ZNF846: variants seen among roughly 807,000 people sequenced by gnomAD.
ZNF846 encodes the protein zinc finger protein 846.
In ZNF846, 15 loss-of-function variants were observed where a neutral mutation model predicts 16.0. The ratio of observed to expected loss-of-function variants is 0.94; its 90% CI spans 0.63 to 1.45. ZNF846 has a LOEUF of 1.45. Among genes scored for constraint, ZNF846 ranks in the 40% most tolerant of loss-of-function variants. The pLI, the probability that ZNF846 is intolerant of heterozygous loss-of-function variation, is 0.00. For synonymous variants in ZNF846, 229 were observed against 212.0 expected, an observed-to-expected ratio of 1.08 and a Z score of -0.70; for missense variants, 714 against 622.3, an observed-to-expected ratio of 1.15 and a Z score of -1.57.
rs2045177501 is a variant in ZNF846 at position 9,758,834 on chromosome 19, A to G, written c.313-70T>C. 1.4e-5 allele frequency: 17 copies of G among 1,173,870 alleles called. No homozygotes were observed. In the South Asian group the frequency reaches 2.6e-4, roughly 18 times the overall value. 72.7% of individuals were successfully genotyped at this position (1,173,870 alleles called of 1,614,324 possible). ...ATGGTAACAGAATTTCTCCCCAATC[A>G]CAACATATATGCATTGGAAATATAT... On this transcript the variant is annotated intron_variant, in intron 5 of 5. Coordinates refer to ENST00000397902, the Ensembl canonical transcript of ZNF846.
chr19:9,772,932 C>T (rs1227604539), upstream of ZNF846, among the ~76,000 whole-genome samples: 2 of 151,924 alleles, frequency 1.3e-5, no homozygotes, highest in African/African-American at 2.4e-5. Context: ...AAAAATTAGT[C>T]GTGTGTGATC....
At chr19:9,766,411 A>G (rs1298546478) in intron 1 of ZNF846, among the ~76,000 whole-genome samples, 1 of 123,024 alleles carries the variant, frequency 8.1e-6, no homozygotes, top group African/African-American at 4.0e-5. Context: ...AGACTCTGTC[A>G]CAAAAAAAAA....
chr19:9,784,105 G>A (rs1057287616), intron 1 of ZNF846, among the ~76,000 whole-genome samples: 1 of 151,804 alleles, frequency 6.6e-6, no homozygotes, highest in African/African-American at 2.4e-5. Flanking sequence ...GGTATTTCTC[G>A]CAAGGTGGAG....
At chr19:9,754,935 G>C (rs1021839258), downstream of ZNF846, among the ~76,000 whole-genome samples, 3 of 150,684 alleles carry the variant, frequency 2.0e-5, no homozygotes, top group African/African-American at 4.9e-5. Context: ...GTGCGATTTC[G>C]AGTCACTGCA....
chr19:9,758,053 C>A lies in ZNF846; in HGVS notation c.1024G>T (p.Glu342Ter). The A allele has an allele frequency of 3.7e-6, 6 of 1,613,538 alleles. No individual in the cohort carries two copies. Among genetic ancestry groups the A allele is most frequent in the East Asian group, 2.2e-5 (1 of 44,866 alleles). ...GAATGAATAAAAGCTTTTCCACACT[C>A]CTTACATTCATATGGCTTTTCTCCA... The change falls in exon 6 of 6, where the codon GAG becomes TAG. Residue 342 changes from glutamate to a stop codon, truncating the protein, a stop_gained. Transcript: ENST00000397902. LOFTEE classifies it low-confidence loss of function (END_TRUNC).
At chr19:9,758,124 G>A (rs2045162190) in exon 6 of ZNF846, 1 of 1,613,534 alleles carries the variant, frequency 6.2e-7, no homozygotes, top group Admixed American at 1.7e-5. Flanking sequence ...TCTAGTGAAG[G>A]CTTTTCCACA....
At chr19:9,767,455 C>T (rs116826853) in intron 1 of ZNF846, among the ~76,000 whole-genome samples, 115 of 152,102 alleles carry the variant, frequency 7.6e-4, no homozygotes, top group African/African-American at 2.7e-3. Context: ...TTGATCTACA[C>T]AAGAGATGCA....
At chr19:9,764,176 C>T (rs558924659) in intron 2 of ZNF846, among the ~76,000 whole-genome samples, 167 of 152,278 alleles carry the variant, frequency 1.1e-3, no homozygotes, top group South Asian at 6.2e-3. Flanking sequence ...TATGGATAAA[C>T]GCCCTCATCT....
At chr19:9,761,572 G>A (rs550059145) in intron 4 of ZNF846, among the ~76,000 whole-genome samples, 24 of 151,940 alleles carry the variant, frequency 1.6e-4, no homozygotes, top group South Asian at 6.2e-4. Flanking sequence ...TTAGTTGGGC[G>A]TGGTGTCAGG....
chr19:9,783,123 A>G (rs2045518330), intron 1 of ZNF846, among the ~76,000 whole-genome samples: 2 of 148,846 alleles, frequency 1.3e-5, no homozygotes, highest in Non-Finnish European at 3.0e-5. Context: ...GGTTTTTACT[A>G]TCTTGCCCAG....
intron 3 of ZNF846, 154 bp from the exon 4 acceptor site, chr19:9,762,322 G>A: frequency 1.6e-6 from 1 of 612,474 alleles, no homozygotes; most frequent in South Asian, 1.9e-5. Flanking sequence ...TCCAATACAT[G>A]CACTAAAACT....
At chr19:9,773,353 C>G (rs1260546711), upstream of ZNF846, among the ~76,000 whole-genome samples, 1 of 152,048 alleles carries the variant, frequency 6.6e-6, no homozygotes, top group Non-Finnish European at 1.5e-5. Flanking sequence ...TATCAGCACT[C>G]CAGAAAAATA....
downstream of ZNF846, among the ~76,000 whole-genome samples, chr19:9,753,553 CTAG>C (rs1441279784): frequency 6.6e-6 from 1 of 151,372 alleles, no homozygotes; most frequent in Non-Finnish European, 1.5e-5. Context: ...CGTGCCCAGC[CTAG>C]GAGACAAAAT....
chr19:9,772,968 G>A (rs545149176), upstream of ZNF846, among the ~76,000 whole-genome samples: 23 of 151,918 alleles, frequency 1.5e-4, no homozygotes, highest in African/African-American at 5.5e-4. Flanking sequence ...GAAGTGGGAG[G>A]ATTGCTTGAA....
rs764074800 is a variant in ZNF846, at chr19:9,757,648, G to T, written c.1429C>A (p.Pro477Thr). Residue 477 changes from proline to threonine, a missense_variant, in exon 6 of 6, where the codon CCT becomes ACT. Pro to Thr is a conservative substitution (Grantham distance 38, BLOSUM62 -1). Transcript: ENST00000397902. ...TTCCCACATTCTTTACATGCATAAG[G>T]CTTTTCTCCTGTGTGCGTTCGCATG... 4 of 1,613,384 alleles carry T rather than the reference G, an allele frequency of 2.5e-6. No homozygotes were observed. The Admixed American group carries it at 5.0e-5, about 20-fold the overall frequency.
intron 2 of ZNF846, 166 bp downstream of exon 2, chr19:9,764,770 C>T (rs2045287600): frequency 1.3e-6 from 1 of 767,654 alleles, no homozygotes; most frequent in Admixed American, 2.1e-5. Context: ...ATTGCAATCT[C>T]TGTACAACCT....
chr19:9,764,756 T>C, intron 2 of ZNF846, 180 bp downstream of exon 2: 1 of 691,460 alleles, frequency 1.4e-6, no homozygotes. Flanking sequence ...CGCAATACAC[T>C]TCCATTGCAA....
At chr19:9,765,149 A>AGTGG (rs2045294731) in intron 1 of ZNF846, 114 bp from the exon 2 acceptor site, 2 of 581,392 alleles carry the variant, frequency 3.4e-6, no homozygotes, top group Non-Finnish European at 6.2e-6. Flanking sequence ...AAGGTAGGCG[A>AGTGG]ATCACTTGAG....
At chr19:9,774,938 G>A (rs574587196) in intron 1 of ZNF846, 6 of 1,609,380 alleles carry the variant, frequency 3.7e-6, no homozygotes, top group East Asian at 2.2e-5. Context: ...AAAGAAATAT[G>A]GGGAAAGTGA....
Sources: allele counts gnomAD v4.1 joint callset (sites outside exome capture counted in the v4.1 genomes callset), GRCh38; gene constraint gnomAD v4.1.1; transcripts MANE v1.5; gene names NCBI Gene and HGNC (gene_info 2026-07-23, HGNC 2026-07-21).